ATXN8OS: variants seen among roughly 807,000 people sequenced by gnomAD.
The protein encoded by ATXN8OS is ATXN8 opposite strand lncRNA.
chr13:70,127,133 T>C (rs1186841101), intron 2 of ATXN8OS, among the ~76,000 whole-genome samples: 1 of 151,854 alleles, frequency 6.6e-6, no homozygotes, highest in African/African-American at 2.4e-5. Flanking sequence ...AAACTGTAAA[T>C]AAATTCAAAT....
chr13:70,136,613 CAGG>C (rs898552464), intron 3 of ATXN8OS, among the ~76,000 whole-genome samples: 23 of 152,046 alleles, frequency 1.5e-4, no homozygotes, highest in African/African-American at 4.8e-4. Flanking sequence ...AGACCGCTAG[CAGG>C]AGAACTCCCT....
intron 4 of ATXN8OS, among the ~76,000 whole-genome samples, chr13:70,147,605 TCTTC>T (rs1414923039): frequency 6.6e-6 from 1 of 152,208 alleles, no homozygotes; most frequent in Non-Finnish European, 1.5e-5. Flanking sequence ...ACTCATTTAT[TCTTC>T]CTTATGTTTC....
At chr13:70,141,349 T>A (rs189113495) in intron 3 of ATXN8OS, among the ~76,000 whole-genome samples, 248 of 152,326 alleles carry the variant, frequency 1.6e-3, no homozygotes, top group African/African-American at 5.8e-3. Context: ...CTCACCCAAC[T>A]GCATGTGGCA....
intron 4 of ATXN8OS, among the ~76,000 whole-genome samples, chr13:70,156,741 T>C (rs1427091011): frequency 2.6e-5 from 4 of 152,138 alleles, no homozygotes; most frequent in Non-Finnish European, 4.4e-5. Flanking sequence ...TGAAGCATCA[T>C]TGAAAAAGGA....
chr13:70,128,858 C>CT (rs34976551), intron 2 of ATXN8OS, among the ~76,000 whole-genome samples: 2,312 of 147,226 alleles, frequency 0.016, 26 homozygotes, highest in Non-Finnish European at 0.025. Context: ...ATCCCCCCAC[C>CT]TTTTTTTTTT....
At chr13:70,165,005 T>C (rs1388341883) in intron 4 of ATXN8OS, among the ~76,000 whole-genome samples, 4 of 152,008 alleles carry the variant, frequency 2.6e-5, no homozygotes, top group Admixed American at 1.3e-4. Context: ...GTAAACATTC[T>C]GATAAAAAGT....
chr13:70,120,723 A>T (rs1455007259), intron 2 of ATXN8OS, among the ~76,000 whole-genome samples: 2 of 152,172 alleles, frequency 1.3e-5, no homozygotes, highest in East Asian at 1.9e-4. Context: ...CATATACACC[A>T]TGGAATACTA....
chr13:70,146,526 A>G (rs1220235779), intron 3 of ATXN8OS, among the ~76,000 whole-genome samples: 3 of 152,292 alleles, frequency 2.0e-5, no homozygotes, highest in Non-Finnish European at 2.9e-5. Context: ...AATGTCCAAC[A>G]ACGATAGACT....
intron 3 of ATXN8OS, among the ~76,000 whole-genome samples, chr13:70,145,289 A>G (rs1260382781): frequency 6.6e-6 from 1 of 151,422 alleles, no homozygotes; most frequent in Non-Finnish European, 1.5e-5. Flanking sequence ...TAGCGTGATG[A>G]CTCCGGCTTT....
intron 4 of ATXN8OS, among the ~76,000 whole-genome samples, chr13:70,167,852 C>T (rs977979771): frequency 7.3e-5 from 11 of 151,272 alleles, no homozygotes; most frequent in Non-Finnish European, 7.4e-5. Flanking sequence ...TCTCCCACCT[C>T]AGCCTCCCGT....
intron 4 of ATXN8OS, among the ~76,000 whole-genome samples, chr13:70,167,551 C>A (rs989418776): frequency 3.3e-5 from 5 of 151,724 alleles, no homozygotes; most frequent in African/African-American, 4.8e-5. Flanking sequence ...AGGAGATATA[C>A]CTAATGCTAA....
At chr13:70,147,182 G>A (rs535718991) in intron 3 of ATXN8OS, among the ~76,000 whole-genome samples, 3 of 152,040 alleles carry the variant, frequency 2.0e-5, no homozygotes, top group Non-Finnish European at 4.4e-5. Context: ...AACTAACTTC[G>A]AAAAGGGACT....
At chr13:70,161,161 A>G (rs930940007) in intron 4 of ATXN8OS, among the ~76,000 whole-genome samples, 1 of 152,030 alleles carries the variant, frequency 6.6e-6, no homozygotes, top group Non-Finnish European at 1.5e-5. Flanking sequence ...AATTGAAAAA[A>G]AAAATCTAAG....
At chr13:70,148,058 G>A (rs549620921) in intron 4 of ATXN8OS, among the ~76,000 whole-genome samples, 1 of 152,238 alleles carries the variant, frequency 6.6e-6, no homozygotes, top group Admixed American at 6.5e-5. Context: ...AGGTAAGACT[G>A]GAAGAGAGTT....
At chr13:70,119,773 T>G (rs544044736) in intron 2 of ATXN8OS, among the ~76,000 whole-genome samples, 11 of 152,224 alleles carry the variant, frequency 7.2e-5, no homozygotes, top group Admixed American at 3.9e-4. Context: ...CTTTTTGTCA[T>G]GCTCAAAAAA....
At chr13:70,113,857 C>T (rs759988943) in intron 1 of ATXN8OS, among the ~76,000 whole-genome samples, 3 of 152,090 alleles carry the variant, frequency 2.0e-5, no homozygotes, top group Admixed American at 6.6e-5. Flanking sequence ...GCTTTAAAAG[C>T]TAAGATCTAG....
intron 3 of ATXN8OS, among the ~76,000 whole-genome samples, chr13:70,144,402 TTGAG>T (rs1427093497): frequency 9.9e-5 from 15 of 152,206 alleles, no homozygotes; most frequent in African/African-American, 3.6e-4. Flanking sequence ...AGTAACCTAG[TTGAG>T]TAATTATTTT....
chr13:70,110,286 T>A (rs1371575238), intron 1 of ATXN8OS, among the ~76,000 whole-genome samples: 1 of 152,164 alleles, frequency 6.6e-6, no homozygotes, highest in Admixed American at 6.5e-5. Flanking sequence ...TTTCTATATT[T>A]GTCAATCTTA....
chr13:70,111,816 A>G (rs1365622227), intron 1 of ATXN8OS, among the ~76,000 whole-genome samples: 1 of 152,174 alleles, frequency 6.6e-6, no homozygotes, highest in Non-Finnish European at 1.5e-5. Context: ...ATAATACTCA[A>G]CAAAAACATT....
Sources: gnomAD v4.1 joint callset for allele counts (sites outside exome capture counted in the v4.1 genomes callset) on GRCh38, gnomAD v4.1.1 for gene constraint, MANE v1.5 for transcripts, NCBI Gene and HGNC (gene_info 2026-07-23, HGNC 2026-07-21) for gene names.